KAT6B: variants seen among roughly 807,000 people sequenced by gnomAD.
KAT6B encodes the protein lysine acetyltransferase 6B.
In KAT6B, 10 loss-of-function variants were observed where a neutral mutation model predicts 187.5. The observed-to-expected ratio is 0.05, with a 90% CI of 0.03 to 0.09. The LOEUF (loss-of-function observed/expected upper bound fraction) is 0.09, where lower values mean the gene tolerates loss of function less well. Among genes scored for constraint, KAT6B ranks in the 10% least tolerant of loss-of-function variants. KAT6B has a pLI of 1.00. For synonymous variants in KAT6B, 861 were observed against 926.8 expected, an observed-to-expected ratio of 0.93 and a Z score of 1.29; for missense variants, 1,952 against 2,558.9, an observed-to-expected ratio of 0.76 and a Z score of 5.12.
intron 13 of KAT6B, among the ~76,000 whole-genome samples, chr10:75,000,369 G>A (rs1055716533): frequency 1.3e-5 from 2 of 152,036 alleles, no homozygotes; most frequent in Non-Finnish European, 2.9e-5. Context: ...CAACATCCAG[G>A]CAGGTGGTTT....
intron 13 of KAT6B, among the ~76,000 whole-genome samples, chr10:74,999,874 T>G (rs1843708317): frequency 6.6e-6 from 1 of 152,216 alleles, no homozygotes. Flanking sequence ...AAAAAGCTTT[T>G]GACTGTTTTA....
intron 4 of KAT6B, among the ~76,000 whole-genome samples, chr10:74,964,153 A>G (rs1841299581): frequency 6.6e-6 from 1 of 152,090 alleles, no homozygotes; most frequent in Non-Finnish European, 1.5e-5. Context: ...ATAAAAAAAC[A>G]AAGCAGAAAA....
chr10:74,902,309 G>A (rs987388863), intron 3 of KAT6B, among the ~76,000 whole-genome samples: 1 of 152,084 alleles, frequency 6.6e-6, no homozygotes, highest in Non-Finnish European at 1.5e-5. Context: ...TGGCTCTCCT[G>A]ATCTTTTTTG....
At chr10:74,918,674 C>G (rs1847891310) in intron 3 of KAT6B, among the ~76,000 whole-genome samples, 1 of 151,530 alleles carries the variant, frequency 6.6e-6, no homozygotes, top group Admixed American at 6.6e-5. Flanking sequence ...ACCCGGGAGG[C>G]AGAGGTTGCA....
intron 17 of KAT6B, among the ~76,000 whole-genome samples, chr10:75,027,167 G>A (rs1010053131): frequency 2.6e-5 from 4 of 152,124 alleles, no homozygotes; most frequent in Non-Finnish European, 5.9e-5. Flanking sequence ...GAATCCGGGG[G>A]CACTGGCATG....
At chr10:74,931,598 G>C (rs1248860496) in intron 3 of KAT6B, among the ~76,000 whole-genome samples, 1 of 152,188 alleles carries the variant, frequency 6.6e-6, no homozygotes, top group Non-Finnish European at 1.5e-5. Context: ...AGAAAATAAT[G>C]AAATTCTTGA....
At chr10:74,965,768 CA>C (rs1368638745) in intron 4 of KAT6B, among the ~76,000 whole-genome samples, 1 of 151,548 alleles carries the variant, frequency 6.6e-6, no homozygotes, top group Non-Finnish European at 1.5e-5. Context: ...CTCTGATGCC[CA>C]GGCTGGAGTG....
At chr10:75,013,711 A>G (rs868223660) in intron 13 of KAT6B, among the ~76,000 whole-genome samples, 1 of 152,226 alleles carries the variant, frequency 6.6e-6, no homozygotes, top group African/African-American at 2.4e-5. Context: ...ACTGTTCTGC[A>G]TGTTTCATAT....
intron 3 of KAT6B, among the ~76,000 whole-genome samples, chr10:74,895,141 T>TTA (rs1845903472): frequency 1.3e-5 from 2 of 152,158 alleles, no homozygotes; most frequent in Non-Finnish European, 2.9e-5. Context: ...TAATGATTAG[T>TTA]GATGTTGAAC....
At chr10:74,971,983 C>T (rs1841873116) in intron 6 of KAT6B, among the ~76,000 whole-genome samples, 1 of 152,054 alleles carries the variant, frequency 6.6e-6, no homozygotes, top group Non-Finnish European at 1.5e-5. Context: ...CCATTCTTAT[C>T]CATTGACCTA....
chr10:74,828,562 CTT>C (rs1160950109), intron 1 of KAT6B, among the ~76,000 whole-genome samples: 1,887 of 94,166 alleles, frequency 0.02, no homozygotes, highest in Middle Eastern at 0.033. Flanking sequence ...CTCATAAGTT[CTT>C]TTTTTTTTTT....
At chr10:74,919,738 C>T (rs1847976088) in intron 3 of KAT6B, among the ~76,000 whole-genome samples, 1 of 152,118 alleles carries the variant, frequency 6.6e-6, no homozygotes, top group Non-Finnish European at 1.5e-5. Flanking sequence ...TTTCAGTCTC[C>T]AATTAAACAT....
chr10:75,027,104 A>G lies in KAT6B; in HGVS notation c.3665-1385A>G, dbSNP rs186133186. ...CAGTGAGCCGAGATCATGCCACTGCACTCCAGCCTGGGCAACAGAGCAAGA... is the reference window on the plus strand; with the variant it reads ...CAGTGAGCCGAGATCATGCCACTGCGCTCCAGCCTGGGCAACAGAGCAAGA... On this transcript the variant is annotated intron_variant, in intron 17 of 17. Transcript: ENST00000287239. Among the ~76,000 whole-genome samples the G allele has an allele frequency of 1.1e-4, 16 of 152,256 alleles. No individual in the cohort carries two copies. The East Asian group carries it at 1.9e-3, about 18-fold the overall frequency.
Position 74,979,204 on chromosome 10 carries a change from C to T in KAT6B, c.2116-20C>T. 6.5e-7 allele frequency: 1 copy of T among 1,543,146 alleles called. No homozygotes were observed. Among genetic ancestry groups the T allele is most frequent in the Non-Finnish European group, 9.0e-7 (1 of 1,116,644 alleles). ...GTGAAGTATATATATTATTATTTTC[C>T]TTTTCTTTCTATTTGACAGAAAATA... On this transcript the variant is annotated intron_variant, in intron 9 of 17. Transcript: ENST00000287239.
chr10:74,911,682 T>A (rs1847212391), intron 3 of KAT6B, among the ~76,000 whole-genome samples: 1 of 152,200 alleles, frequency 6.6e-6, no homozygotes, highest in South Asian at 2.1e-4. Context: ...AAATTAATAC[T>A]TTGTAATATT....
chr10:75,027,078 G>A (rs996849420), intron 17 of KAT6B, among the ~76,000 whole-genome samples: 2 of 152,142 alleles, frequency 1.3e-5, no homozygotes, highest in African/African-American at 4.8e-5. Context: ...GACAGAGGTT[G>A]CAGTGAGCCG....
At chr10:74,930,504 G>A (rs1280446600) in intron 3 of KAT6B, among the ~76,000 whole-genome samples, 3 of 152,160 alleles carry the variant, frequency 2.0e-5, no homozygotes, top group Non-Finnish European at 2.9e-5. Context: ...GTATGTATTT[G>A]AGTAGAAATC....
At chr10:74,883,747 A>G (rs1845036255) in intron 3 of KAT6B, among the ~76,000 whole-genome samples, 1 of 152,172 alleles carries the variant, frequency 6.6e-6, no homozygotes, top group Admixed American at 6.6e-5. Flanking sequence ...ATACCTGGAG[A>G]CTGTTGGATG....
At chr10:74,948,963 T>G (rs1407532870) in intron 3 of KAT6B, among the ~76,000 whole-genome samples, 3 of 152,206 alleles carry the variant, frequency 2.0e-5, no homozygotes, top group Non-Finnish European at 4.4e-5. Flanking sequence ...CCTAAATAAA[T>G]TATAGTCTTG....
Sources: gnomAD v4.1 joint callset for allele counts (sites outside exome capture counted in the v4.1 genomes callset) on GRCh38, gnomAD v4.1.1 for gene constraint, MANE v1.5 for transcripts, NCBI Gene and HGNC (gene_info 2026-07-23, HGNC 2026-07-21) for gene names.